The following SENP2 variants were observed in gnomAD, a reference collection of about 807,000 sequenced individuals.
The protein encoded by SENP2 is sentrin-specific protease 2.
In SENP2, 16 loss-of-function variants were observed where a neutral mutation model predicts 86.3. The observed-to-expected ratio is 0.19, with a 90% confidence interval of 0.13 to 0.28. The LOEUF is 0.28. Among genes scored for constraint, SENP2 ranks in the 10% least tolerant of loss-of-function variants. The pLI, the probability that SENP2 is intolerant of heterozygous loss-of-function variation, is 1.00. For missense variants in SENP2, 552 were observed against 703.0 expected, an observed-to-expected ratio of 0.79 and a Z score of 2.43; for synonymous variants, 222 against 238.7, an observed-to-expected ratio of 0.93 and a Z score of 0.64.
rs1721800986 is a variant in SENP2 at position 185,586,863 on chromosome 3, G to A, written c.101+349G>A. Among the ~76,000 whole-genome samples, 1 of 152,190 alleles carries A rather than the reference G, an allele frequency of 6.6e-6. No individual in the cohort carries two copies. The highest frequency in any genetic ancestry group is 6.5e-5 in the Admixed American group (1 of 15,278). On this transcript the variant is annotated intron_variant, in intron 1 of 16. Transcript: ENST00000296257. This position sits in a 1 kb window ranked among gnomAD's most constrained non-coding sequence, Gnocchi z 4.3. Reference sequence around the variant, plus strand: ...CAAAGCACCCTCGCAAGTGTCATCTGCAGACATTAAGTGCAGTTGAAGTGA... The same window carrying A: ...CAAAGCACCCTCGCAAGTGTCATCTACAGACATTAAGTGCAGTTGAAGTGA...
At chr3:185,598,365 G>A in intron 2 of SENP2, 47 bp from the exon 3 acceptor site, 1 of 1,579,564 alleles carries the variant, frequency 6.3e-7, no homozygotes, top group African/African-American at 1.3e-5. Flanking sequence ...TTATTTTTTA[G>A]CTGGAAGTTT....
At chr3:185,620,502 G>T (rs1052613419) in intron 13 of SENP2, among the ~76,000 whole-genome samples, 4 of 152,264 alleles carry the variant, frequency 2.6e-5, no homozygotes, top group South Asian at 4.1e-4. Flanking sequence ...GAGTGCAATG[G>T]CACGATCTCG....
intron 16 of SENP2, among the ~76,000 whole-genome samples, chr3:185,628,599 C>A (rs9833463): frequency 1.3e-5 from 2 of 152,146 alleles, no homozygotes; most frequent in Admixed American, 6.5e-5. Flanking sequence ...CTCCGCCTCC[C>A]GGGTTCAAGC....
At chr3:185,597,397 G>A (rs143806982) in intron 2 of SENP2, among the ~76,000 whole-genome samples, 121 of 152,032 alleles carry the variant, frequency 8.0e-4, no homozygotes, top group African/African-American at 2.8e-3. Flanking sequence ...CTGTCGCCCC[G>A]GCTGGAGTGG....
intron 15 of SENP2, among the ~76,000 whole-genome samples, chr3:185,625,203 C>G (rs1432894593): frequency 6.6e-6 from 1 of 151,932 alleles, no homozygotes; most frequent in Admixed American, 6.5e-5. Flanking sequence ...GCTCCGCCTC[C>G]CGGGTTCATA....
At chr3:185,596,146 A>G (rs1722165606) in intron 2 of SENP2, among the ~76,000 whole-genome samples, 1 of 151,908 alleles carries the variant, frequency 6.6e-6, no homozygotes, top group Non-Finnish European at 1.5e-5. Flanking sequence ...TTGTATTTTT[A>G]GTAGAGACGG....
At chr3:185,599,120 T>C in intron 4 of SENP2, 96 bp downstream of exon 4, 2 of 848,504 alleles carry the variant, frequency 2.4e-6, no homozygotes, top group Non-Finnish European at 3.9e-6. Flanking sequence ...CTGATTTGAA[T>C]TGGGATGAGA....
chr3:185,588,725 A>G (rs1260162672), intron 1 of SENP2, among the ~76,000 whole-genome samples: 1 of 152,142 alleles, frequency 6.6e-6, no homozygotes, highest in Non-Finnish European at 1.5e-5. Context: ...AACGTGGTGT[A>G]AAGTGCCTAA....
intron 16 of SENP2, among the ~76,000 whole-genome samples, chr3:185,628,288 C>A (rs1193029689): frequency 6.6e-6 from 1 of 152,060 alleles, no homozygotes; most frequent in Non-Finnish European, 1.5e-5. Flanking sequence ...AGGCATGTAC[C>A]ACCATGCCTG....
At chr3:185,614,965 G>A (rs1029495582) in intron 11 of SENP2, among the ~76,000 whole-genome samples, 9 of 152,112 alleles carry the variant, frequency 5.9e-5, no homozygotes, top group African/African-American at 1.9e-4. Flanking sequence ...ATGGGGAGTC[G>A]ACACAGTCAT....
chr3:185,614,399 C>A, intron 10 of SENP2, 165 bp from the exon 11 acceptor site: 1 of 652,564 alleles, frequency 1.5e-6, no homozygotes, highest in Non-Finnish European at 2.5e-6. Flanking sequence ...GCTTTTTTTG[C>A]TCCCCCTTGC....
chr3:185,615,091 A>G (rs962804556), intron 11 of SENP2, among the ~76,000 whole-genome samples: 2 of 152,086 alleles, frequency 1.3e-5, no homozygotes, highest in African/African-American at 4.8e-5. Flanking sequence ...TTTGAAAGTT[A>G]TTATAGTTTA....
chr3:185,600,644 A>C, intron 4 of SENP2, 121 bp from the exon 5 acceptor site: 1 of 656,752 alleles, frequency 1.5e-6, no homozygotes, highest in South Asian at 1.9e-5. Flanking sequence ...ATAGAAATTG[A>C]AAAACAAGAT....
At chr3:185,589,421 A>C (rs543887380) in intron 1 of SENP2, among the ~76,000 whole-genome samples, 1 of 152,326 alleles carries the variant, frequency 6.6e-6, no homozygotes, top group African/African-American at 2.4e-5. Context: ...TCAAAAGGAA[A>C]TTGCTTGTTT....
chr3:185,620,747 A>T (rs1371532339), intron 13 of SENP2, among the ~76,000 whole-genome samples: 1 of 151,940 alleles, frequency 6.6e-6, no homozygotes, highest in Non-Finnish European at 1.5e-5. Flanking sequence ...CTGGCCGAGG[A>T]GCTTTCATTT....
chr3:185,588,050 A>ATTTTTTTTTTTT (rs1196425963), intron 1 of SENP2, among the ~76,000 whole-genome samples: 2 of 64,786 alleles, frequency 3.1e-5, no homozygotes, highest in South Asian at 8.1e-4. Flanking sequence ...CTACCGGCTA[A>ATTTTTTTTTTTT]TTTTTTTTTT....
chr3:185,620,681 T>A (rs1711815075), intron 13 of SENP2, among the ~76,000 whole-genome samples: 7 of 149,980 alleles, frequency 4.7e-5, no homozygotes, highest in Admixed American at 4.7e-4. Context: ...CCTGACCTCG[T>A]GATCCGCCAC....
At position 185,598,428 on chromosome 3, in the gene SENP2, A is replaced by C; in HGVS notation, c.174A>C (p.Gln58His). 1 of 1,614,076 alleles carries C rather than the reference A, an allele frequency of 6.2e-7. No individual in the cohort carries two copies. Among genetic ancestry groups the C allele is most frequent in the South Asian group, 1.1e-5 (1 of 91,082 alleles). The change falls in exon 3 of 17, where the codon CAA (glutamine) becomes CAC (histidine). Residue 58 changes from glutamine to histidine, a missense_variant. Physicochemically the swap from Gln to His is conservative, Grantham distance 24 (BLOSUM62 0). Coordinates refer to ENST00000296257, the MANE Select transcript of SENP2 (RefSeq NM_021627.3). Reference sequence around the variant, plus strand: ...ACTTTCTAGATTGCTTTATTCACCAAGTGAAAAACAGTCTCTACAATGCTG... The same window carrying C: ...ACTTTCTAGATTGCTTTATTCACCACGTGAAAAACAGTCTCTACAATGCTG... ...KRPRLDCFIH[Q>H]VKNSLYNAAS...
chr3:185,609,490 A>G, intron 7 of SENP2, 140 bp downstream of exon 7: 1 of 606,530 alleles, frequency 1.6e-6, no homozygotes. Flanking sequence ...CTGGATATTT[A>G]TCTAGTAATG....
Sources: gnomAD v4.1 joint callset for allele counts (sites outside exome capture counted in the v4.1 genomes callset) on GRCh38, gnomAD v4.1.1 for gene constraint, Gnocchi (gnomAD v3.1) non-coding constraint, MANE v1.5 for transcripts, NCBI Gene and HGNC (gene_info 2026-07-23, HGNC 2026-07-21) for gene names.